Variants in LGSN observed in about 807,000 individuals in gnomAD.
The protein encoded by LGSN is lengsin.
LGSN carries 21 observed loss-of-function variants against 19.5 expected under a neutral mutation model. The observed-to-expected ratio is 1.07, with a 90% CI of 0.76 to 1.55. The LOEUF (loss-of-function observed/expected upper bound fraction) is 1.55, where lower values mean the gene tolerates loss of function less well. Ranked by LOEUF, LGSN falls within the 40% of genes most tolerant of loss-of-function variation. The probability of loss-of-function intolerance (pLI) is 0.00; values close to 1 mark genes in which losing one functional copy is unlikely to be tolerated. For synonymous variants in LGSN, 257 were observed against 215.6 expected, an observed-to-expected ratio of 1.19 and a Z score of -1.68; for missense variants, 673 against 608.5, an observed-to-expected ratio of 1.11 and a Z score of -1.12.
the LGSN span, among the ~76,000 whole-genome samples, chr6:63,560,111 A>G: frequency 3.3e-5 from 5 of 152,176 alleles, no homozygotes; most frequent in Admixed American, 6.5e-5. Context: ...CCTCTCAATA[A>G]AAATGAATTA....
the LGSN span, among the ~76,000 whole-genome samples, chr6:63,546,924 A>G: frequency 6.6e-6 from 1 of 152,252 alleles, no homozygotes; most frequent in African/African-American, 2.4e-5. Flanking sequence ...ATATATAAAC[A>G]TCACACAGTA....
At chr6:63,292,734 T>C (rs1400764982) in intron 2 of LGSN, among the ~76,000 whole-genome samples, 1 of 152,226 alleles carries the variant, frequency 6.6e-6, no homozygotes, top group African/African-American at 2.4e-5. Flanking sequence ...CATTCTGTGC[T>C]TAGAACTTGC....
the LGSN span, among the ~76,000 whole-genome samples, chr6:63,555,634 A>G: frequency 1.3e-5 from 2 of 149,054 alleles, no homozygotes; most frequent in East Asian, 2.0e-4. Flanking sequence ...GCATACATCC[A>G]CTCTGTCTAG....
chr6:63,399,749 A>G, the LGSN span, among the ~76,000 whole-genome samples: 2 of 151,530 alleles, frequency 1.3e-5, no homozygotes, highest in East Asian at 2.0e-4. Context: ...AGGCTGGAGT[A>G]CAGTGGCACA....
At chr6:63,298,278 C>T (rs529001971) in intron 1 of LGSN, among the ~76,000 whole-genome samples, 4 of 152,174 alleles carry the variant, frequency 2.6e-5, no homozygotes, top group South Asian at 2.1e-4. Flanking sequence ...GATCCCCATG[C>T]GTTTGTGTTT....
chr6:63,350,658 C>T, the LGSN span, among the ~76,000 whole-genome samples: 1 of 152,094 alleles, frequency 6.6e-6, no homozygotes, highest in Admixed American at 6.5e-5. Context: ...TCCAGACCAG[C>T]CTGGCCAACA....
chr6:63,533,690 G>A, the LGSN span, among the ~76,000 whole-genome samples: 1 of 152,086 alleles, frequency 6.6e-6, no homozygotes, highest in Non-Finnish European at 1.5e-5. Context: ...GACAGGATTA[G>A]AATTCTAAAT....
At chr6:63,378,681 C>T in the LGSN span, among the ~76,000 whole-genome samples, 1 of 152,168 alleles carries the variant, frequency 6.6e-6, no homozygotes, top group East Asian at 1.9e-4. Flanking sequence ...GAGGGAGATG[C>T]CAGGCTCTTT....
chr6:63,285,796 G>C, intron 2 of LGSN, 43 bp from the exon 3 acceptor site: 2 of 1,524,982 alleles, frequency 1.3e-6, no homozygotes, highest in East Asian at 4.5e-5. Flanking sequence ...AGATCATGAT[G>C]GACTGAGAAG....
rs1292432392 is a variant in LGSN, at chr6:63,295,035, CTT to C, written c.39_40del (p.Asp15Ter). 1.2e-6 allele frequency: 2 copies of C among 1,613,230 alleles called. No homozygotes were observed. Among genetic ancestry groups the C allele is most frequent in the Admixed American group, 3.3e-5 (2 of 59,992 alleles). On this transcript the variant is annotated frameshift_variant, in exon 2 of 4. Transcript: ENST00000370657. LOFTEE classifies it high-confidence loss of function. The stretch of plus-strand genomic sequence containing the variant: ...GGCTTCAGTCTCATTGCCTTCATCT[CTT>C]GTTGAGTCCTGTTGATAATTAATAA...
At chr6:63,402,458 C>T in the LGSN span, among the ~76,000 whole-genome samples, 2 of 152,006 alleles carry the variant, frequency 1.3e-5, no homozygotes, top group South Asian at 4.2e-4. Context: ...GAATCAAGGG[C>T]CTGAAGATTC....
the LGSN span, among the ~76,000 whole-genome samples, chr6:63,526,833 A>ATATATATATTTATT: frequency 1.6e-5 from 2 of 128,054 alleles, no homozygotes; most frequent in African/African-American, 6.5e-5. Flanking sequence ...ATATATATAT[A>ATATATATATTTATT]TATTTATTTA....
At chr6:63,478,264 T>C in the LGSN span, among the ~76,000 whole-genome samples, 1 of 152,150 alleles carries the variant, frequency 6.6e-6, no homozygotes, top group Non-Finnish European at 1.5e-5. Flanking sequence ...GTTAGTAAAT[T>C]ATTAAGCCAA....
chr6:63,352,682 G>GACACAC, the LGSN span, among the ~76,000 whole-genome samples: 13 of 144,986 alleles, frequency 9.0e-5, no homozygotes, highest in Non-Finnish European at 1.5e-4. Flanking sequence ...CACACACACA[G>GACACAC]ACACACACAC....
At chr6:63,413,518 T>A in the LGSN span, among the ~76,000 whole-genome samples, 1 of 152,194 alleles carries the variant, frequency 6.6e-6, no homozygotes, top group Non-Finnish European at 1.5e-5. Flanking sequence ...AGCCCTGTTT[T>A]AACTAAGTGG....
the LGSN span, among the ~76,000 whole-genome samples, chr6:63,333,243 G>A: frequency 3.3e-5 from 5 of 152,046 alleles, no homozygotes; most frequent in African/African-American, 9.6e-5. Flanking sequence ...TGATTGGTGC[G>A]TTTACAATAA....
At chr6:63,570,296 G>A in the LGSN span, among the ~76,000 whole-genome samples, 1 of 152,168 alleles carries the variant, frequency 6.6e-6, no homozygotes, top group Non-Finnish European at 1.5e-5. Context: ...GCACCACTGT[G>A]CTCCAACCTG....
At chr6:63,452,703 T>A in the LGSN span, among the ~76,000 whole-genome samples, 6 of 151,796 alleles carry the variant, frequency 4.0e-5, no homozygotes, top group Non-Finnish European at 8.8e-5. Context: ...TCAGTCTGGC[T>A]ACAAGTTTAT....
chr6:63,337,973 C>T, the LGSN span, among the ~76,000 whole-genome samples: 2 of 152,080 alleles, frequency 1.3e-5, no homozygotes, highest in Admixed American at 6.5e-5. Context: ...GCAACCTCCA[C>T]CTCCCAGGTT....
Sources: gnomAD v4.1 joint callset for allele counts (sites outside exome capture counted in the v4.1 genomes callset) on GRCh38, gnomAD v4.1.1 for gene constraint, MANE v1.5 for transcripts, NCBI Gene and HGNC (gene_info 2026-07-23, HGNC 2026-07-21) for gene names.